The following HLCS variants were observed in gnomAD, a reference collection of about 807,000 sequenced individuals.
HLCS encodes the protein biotin--protein ligase.
A neutral mutation model predicts 75.0 loss-of-function variants in HLCS; 53 were observed. The ratio of observed to expected loss-of-function variants is 0.71; its 90% CI spans 0.57 to 0.89. HLCS has a LOEUF of 0.89. HLCS is among the 40% of genes least tolerant of loss of function. The probability of loss-of-function intolerance (pLI) is 0.00; values close to 1 mark genes in which losing one functional copy is unlikely to be tolerated. For synonymous variants in HLCS, 431 were observed against 428.6 expected (o/e 1.01, Z -0.07); for missense variants, 966 against 1,074.0 (o/e 0.90, Z 1.41).
rs566934768 is a variant in HLCS, at chr21:36,835,127, C to G, written c.1892+61733G>C. On this transcript the variant is annotated intron_variant, in intron 6 of 10. Transcript: ENST00000674895. ...GGGGGAAGAGCCATTTCTAGCAGAG[C>G]AGGCAACTGCTTCTAAGATTTAAAG... Among the ~76,000 whole-genome samples the G allele has an allele frequency of 2.0e-5, 3 of 152,322 alleles. No homozygotes were observed. In the South Asian group the frequency reaches 6.2e-4, roughly 32 times the overall value.
chr21:36,801,911 G>C (rs1219572171), intron 6 of HLCS, among the ~76,000 whole-genome samples: 1 of 151,824 alleles, frequency 6.6e-6, no homozygotes, highest in African/African-American at 2.4e-5. Flanking sequence ...TGGGACTACA[G>C]GTGTGAGCCA....
chr21:36,982,922 G>A (rs372668995), intron 1 of HLCS, among the ~76,000 whole-genome samples: 15 of 152,108 alleles, frequency 9.9e-5, no homozygotes, highest in Admixed American at 7.2e-4. Context: ...CCAGCTACTC[G>A]GGAAGCTGAG....
chr21:36,930,014 A>G (rs2066565890), intron 5 of HLCS, among the ~76,000 whole-genome samples: 1 of 152,254 alleles, frequency 6.6e-6, no homozygotes, highest in Non-Finnish European at 1.5e-5. Context: ...TAACGTGGAA[A>G]GGGCCACACC....
intron 7 of HLCS, among the ~76,000 whole-genome samples, chr21:36,766,415 C>T (rs1300710409): frequency 6.8e-6 from 1 of 147,370 alleles, no homozygotes; most frequent in Non-Finnish European, 1.5e-5. Flanking sequence ...TTTCAAAAAA[C>T]AAAAAAAAAA....
intron 1 of HLCS, 104 bp downstream of exon 1, chr21:36,966,340 T>C: frequency 2.0e-6 from 1 of 504,776 alleles, no homozygotes. Flanking sequence ...AGGGCGCCAC[T>C]CCGGGGCTCC....
At chr21:36,925,350 G>A (rs2245353) in intron 5 of HLCS, among the ~76,000 whole-genome samples, 61,461 of 151,894 alleles carry the variant, frequency 0.4, 12,656 homozygotes, top group Middle Eastern at 0.54. Context: ...CCTACACACT[G>A]TTAGCCACCG....
intron 6 of HLCS, among the ~76,000 whole-genome samples, chr21:36,849,814 T>C (rs1194914797): frequency 2.0e-5 from 3 of 152,216 alleles, no homozygotes; most frequent in African/African-American, 7.2e-5. Context: ...ATTTCTGTTG[T>C]TTGCAATCAT....
intron 6 of HLCS, among the ~76,000 whole-genome samples, chr21:36,786,722 A>C (rs957700363): frequency 6.6e-6 from 1 of 152,244 alleles, no homozygotes; most frequent in African/African-American, 2.4e-5. Context: ...GAGTCAGTGG[A>C]GTCTTTAATA....
Position 36,888,179 on chromosome 21 carries a change from A to G in HLCS, c.1892+8681T>C, listed in dbSNP as rs183733054. Among the ~76,000 whole-genome samples the G allele has an allele frequency of 6.6e-5, 10 of 152,122 alleles. No homozygotes were observed. In the East Asian group the frequency reaches 1.9e-3, roughly 29 times the overall value. ...CTGTTTCTCTACTGTGAGGTCACTCAGCCATTAAATTAGTTCCAGCCCAAT... is the reference window on the plus strand; with the variant it reads ...CTGTTTCTCTACTGTGAGGTCACTCGGCCATTAAATTAGTTCCAGCCCAAT... On this transcript the variant is annotated intron_variant, in intron 6 of 10. Coordinates refer to ENST00000674895, the MANE Select transcript of HLCS (RefSeq NM_001352514.2).
At chr21:36,882,276 C>T (rs1006095514) in intron 6 of HLCS, among the ~76,000 whole-genome samples, 1 of 150,836 alleles carries the variant, frequency 6.6e-6, no homozygotes, top group Non-Finnish European at 1.5e-5. Flanking sequence ...AGCGAGACTT[C>T]GTCTTGGAAA....
At chr21:36,918,997 G>A (rs1167082729) in intron 5 of HLCS, among the ~76,000 whole-genome samples, 2 of 152,234 alleles carry the variant, frequency 1.3e-5, no homozygotes, top group East Asian at 3.8e-4. Context: ...TGAAGAGATT[G>A]TTTCATTTTA....
chr21:36,787,604 T>C (rs186572266), intron 6 of HLCS, among the ~76,000 whole-genome samples: 2 of 152,230 alleles, frequency 1.3e-5, no homozygotes, highest in African/African-American at 2.4e-5. Context: ...CAAATGGACA[T>C]GATGGAAAGC....
chr21:36,828,990 AAACT>A (rs1264868914), intron 6 of HLCS, among the ~76,000 whole-genome samples: 1 of 152,242 alleles, frequency 6.6e-6, no homozygotes, highest in Non-Finnish European at 1.5e-5. Flanking sequence ...CCAAGTTCCT[AAACT>A]AACAGGAGAA....
intron 6 of HLCS, among the ~76,000 whole-genome samples, chr21:36,854,561 C>T (rs1346064460): frequency 2.0e-5 from 3 of 152,106 alleles, no homozygotes; most frequent in Non-Finnish European, 4.4e-5. Flanking sequence ...TTGAGCAGTT[C>T]AAGGTGGGGA....
chr21:36,983,697 C>A (rs1261848767), intron 1 of HLCS, among the ~76,000 whole-genome samples: 1 of 151,682 alleles, frequency 6.6e-6, no homozygotes, highest in Admixed American at 6.6e-5. Flanking sequence ...ATTAGCCCGG[C>A]GTGGTGGCGG....
chr21:36,983,847 A>T (rs2069176829), intron 1 of HLCS, among the ~76,000 whole-genome samples: 8 of 151,518 alleles, frequency 5.3e-5, no homozygotes, highest in Admixed American at 5.3e-4. Flanking sequence ...AAAAAAAAAA[A>T]AATTTTTTTT....
intron 1 of HLCS, among the ~76,000 whole-genome samples, chr21:36,988,545 G>A (rs1381437803): frequency 1.3e-5 from 2 of 152,212 alleles, no homozygotes; most frequent in South Asian, 2.1e-4. Flanking sequence ...TTATACTGGT[G>A]TAGGCGTTTC....
intron 6 of HLCS, among the ~76,000 whole-genome samples, chr21:36,879,657 C>A (rs964206664): frequency 6.6e-6 from 1 of 152,158 alleles, no homozygotes; most frequent in Non-Finnish European, 1.5e-5. Flanking sequence ...ACAGACCAAG[C>A]ACAGTGGCTC....
intron 6 of HLCS, among the ~76,000 whole-genome samples, chr21:36,886,112 C>G (rs2064445037): frequency 6.6e-6 from 1 of 151,714 alleles, no homozygotes; most frequent in Non-Finnish European, 1.5e-5. Context: ...AAGATGAAGA[C>G]TGCCACCATT....
Sources: allele counts gnomAD v4.1 joint callset (sites outside exome capture counted in the v4.1 genomes callset), GRCh38; gene constraint gnomAD v4.1.1; transcripts MANE v1.5; gene names NCBI Gene and HGNC (gene_info 2026-07-23, HGNC 2026-07-21).